Variants in MARK2 observed in about 807,000 individuals in gnomAD.
MARK2 encodes the protein microtubule affinity regulating kinase 2, also known as serine/threonine-protein kinase MARK2.
In MARK2, 16 loss-of-function variants were observed where a neutral mutation model predicts 89.8. The ratio of observed to expected loss-of-function variants is 0.18; its 90% CI spans 0.12 to 0.27. MARK2 has a LOEUF of 0.27. Ranked by LOEUF, MARK2 falls within the 10% of genes least tolerant of loss-of-function variation. MARK2 has a pLI of 1.00. For synonymous variants in MARK2, 382 were observed against 399.5 expected (o/e 0.96, Z 0.52); for missense variants, 621 against 1,049.9 (o/e 0.59, Z 5.65).
intron 1 of MARK2, among the ~76,000 whole-genome samples, chr11:63,841,633 C>G (rs368794122): frequency 6.6e-6 from 1 of 152,204 alleles, no homozygotes; most frequent in African/African-American, 2.4e-5. Flanking sequence ...CTTTCCCAGA[C>G]TGTTGATCGT....
chr11:63,871,005 C>G (rs990851859), intron 1 of MARK2, among the ~76,000 whole-genome samples: 2 of 151,990 alleles, frequency 1.3e-5, no homozygotes, highest in African/African-American at 4.8e-5. Context: ...ACAGTGTGGG[C>G]AAAAATCCAG....
At chr11:63,876,985 C>T (rs1473367747) in intron 1 of MARK2, among the ~76,000 whole-genome samples, 3 of 151,610 alleles carry the variant, frequency 2.0e-5, no homozygotes, top group Non-Finnish European at 4.4e-5. Context: ...CCCAGGTCTT[C>T]TGCACCGAAG....
At chr11:63,892,343 A>C (rs1040187151) in intron 1 of MARK2, among the ~76,000 whole-genome samples, 10 of 152,202 alleles carry the variant, frequency 6.6e-5, no homozygotes, top group Non-Finnish European at 1.0e-4. Flanking sequence ...GAAGAAGGGG[A>C]AATGTCAGAA....
Position 63,904,024 on chromosome 11 carries a change from C to G in MARK2, c.1553C>G (p.Ala518Gly). The G allele has an allele frequency of 1.2e-6, 2 of 1,609,018 alleles. No individual in the cohort carries two copies. The highest frequency in any genetic ancestry group is 1.7e-6 in the Non-Finnish European group (2 of 1,179,332). The change falls in exon 15 of 19, where the codon GCT becomes GGT. Residue 518 changes from alanine (A) to glycine (G), a missense_variant. Transcript: ENST00000402010. This position sits in a 1 kb window ranked among gnomAD's most constrained non-coding sequence, Gnocchi z 6.3. ...GGGTCCCGGGCCTCCACGGCTTCTG[C>G]TTCTGCCGCAGTCTCTGCGGCCCGG... ...MPGSRASTAS[A>G]SAAVSAARPR...
At chr11:63,875,767 T>C (rs1190121028) in intron 1 of MARK2, among the ~76,000 whole-genome samples, 1 of 152,182 alleles carries the variant, frequency 6.6e-6, no homozygotes, top group African/African-American at 2.4e-5. Flanking sequence ...ACAGTGGCGA[T>C]GGGGGCCTGG....
Position 63,903,298 on chromosome 11 carries a change from C to G in MARK2, c.1514+140C>G, listed in dbSNP as rs955269253. 5.9e-6 allele frequency: 4 copies of G among 674,616 alleles called. No individual in the cohort carries two copies. The highest frequency in any genetic ancestry group is 1.1e-5 in the Non-Finnish European group (4 of 380,746). 41.8% of individuals were successfully genotyped at this position (674,616 alleles called of 1,614,324 possible). A position where few individuals can be genotyped will look rare whatever the true frequency, so the allele number is the denominator to read the frequency against. ...AGTTCCATCCTGGCTGTGTCCAGTC[C>G]AGCTTTCCCCTCCCCTATTCCACGC... is the stretch of plus-strand genomic sequence containing the variant. On this transcript the variant is annotated intron_variant, in intron 14 of 18. Transcript: ENST00000402010. This position sits in a 1 kb window ranked among gnomAD's most constrained non-coding sequence, Gnocchi z 5.1.
chr11:63,869,606 AC>A (rs1186740486), intron 1 of MARK2, among the ~76,000 whole-genome samples: 2 of 151,948 alleles, frequency 1.3e-5, no homozygotes, highest in African/African-American at 4.8e-5. Flanking sequence ...TCTTGAGGGC[AC>A]CCTGAGTTCA....
At chr11:63,878,413 T>G (rs1459564868) in intron 1 of MARK2, among the ~76,000 whole-genome samples, 1 of 134,808 alleles carries the variant, frequency 7.4e-6, no homozygotes, top group Non-Finnish European at 1.5e-5. Flanking sequence ...CTCTGTCGCC[T>G]AGGCTGGAGT....
In MARK2 at chr11:63,900,210, A is replaced by C; in HGVS notation, c.768+100A>C. 1.1e-6 allele frequency: 1 copy of C among 920,118 alleles called. No individual in the cohort carries two copies. The highest frequency in any genetic ancestry group is 1.7e-6 in the Non-Finnish European group (1 of 579,412). 57.0% of individuals were successfully genotyped at this position (920,118 alleles called of 1,614,324 possible). A position where few individuals can be genotyped will look rare whatever the true frequency, so the allele number is the denominator to read the frequency against. On this transcript the variant is annotated intron_variant, in intron 8 of 18. Coordinates refer to ENST00000402010, the MANE Select transcript of MARK2 (RefSeq NM_001039469.3). This position sits in a 1 kb window ranked among gnomAD's most constrained non-coding sequence, Gnocchi z 4.7. ...TTGCCACCTGTCTACATTTGTCCCA[A>C]GCCAAAGCTTCAGAGAAGGGCTTGC...
At chr11:63,905,376 CTT>C (rs1257186697) in intron 16 of MARK2, among the ~76,000 whole-genome samples, 1 of 152,164 alleles carries the variant, frequency 6.6e-6, no homozygotes, top group Non-Finnish European at 1.5e-5. Context: ...CCCATGGAAA[CTT>C]ATATTTGGTG....
intron 2 of MARK2, 65 bp from the exon 3 acceptor site, chr11:63,895,515 T>C: frequency 6.7e-7 from 1 of 1,491,312 alleles, no homozygotes; most frequent in Non-Finnish European, 9.4e-7. Context: ...AAGGAGGAAG[T>C]AGATTGGAAT....
Position 63,900,903 on chromosome 11 carries a change from G to A in MARK2, c.988+24G>A, listed in dbSNP as rs1940809717. On this transcript the variant is annotated intron_variant, in intron 10 of 18. Coordinates refer to ENST00000402010, the MANE Select transcript of MARK2 (RefSeq NM_001039469.3). The surrounding 1 kb of genome is among the most constrained non-coding windows in gnomAD (Gnocchi z 4.7). ...AGGTGAGGCTGTGCCGGGCTGTGAGGTTAAGCTTGCCTAGGAGTTGAGGCC... is the reference window on the plus strand; with the variant it reads ...AGGTGAGGCTGTGCCGGGCTGTGAGATTAAGCTTGCCTAGGAGTTGAGGCC... The A allele has an allele frequency of 1.2e-6, 2 of 1,613,298 alleles. No individual in the cohort carries two copies. Among genetic ancestry groups the A allele is most frequent in the Middle Eastern group, 1.6e-4 (1 of 6,080 alleles).
chr11:63,857,542 C>T (rs1486643382), intron 1 of MARK2, among the ~76,000 whole-genome samples: 1 of 152,184 alleles, frequency 6.6e-6, no homozygotes, highest in African/African-American at 2.4e-5. Flanking sequence ...GGTAGACTTC[C>T]TTTGGTATAT....
chr11:63,878,834 C>T (rs991268624), intron 1 of MARK2, among the ~76,000 whole-genome samples: 5 of 152,146 alleles, frequency 3.3e-5, no homozygotes, highest in South Asian at 2.1e-4. Flanking sequence ...GTACAATTCA[C>T]GTACCCCTTG....
chr11:63,853,082 T>C (rs2016652744), intron 1 of MARK2, among the ~76,000 whole-genome samples: 1 of 152,154 alleles, frequency 6.6e-6, no homozygotes, highest in African/African-American at 2.4e-5. Flanking sequence ...CAGTGCCGCT[T>C]TAAATGTTAC....
In MARK2 at chr11:63,863,945, T is replaced by A. The variant is rs113704947; in HGVS notation, c.54+24385T>A. ...TCCCACTACACCCAGCTAATTTTTT[T>A]ATTTTTATTTATTTATTTATTTTTT... On this transcript the variant is annotated intron_variant, in intron 1 of 18. Transcript: ENST00000402010. Among the ~76,000 whole-genome samples, 436 of 152,084 alleles carry A rather than the reference T, an allele frequency of 2.9e-3. 2 individuals are homozygous for A. Among genetic ancestry groups the A allele is most frequent in the African/African-American group, 0.01 (425 of 41,478 alleles).
chr11:63,859,353 T>A (rs1937620243), intron 1 of MARK2, among the ~76,000 whole-genome samples: 1 of 151,418 alleles, frequency 6.6e-6, no homozygotes, highest in Non-Finnish European at 1.5e-5. Flanking sequence ...GGAGTCCTGC[T>A]CTGTCACGCA....
At chr11:63,855,535 A>G (rs2016797082) in intron 1 of MARK2, among the ~76,000 whole-genome samples, 3 of 152,092 alleles carry the variant, frequency 2.0e-5, no homozygotes, top group African/African-American at 4.8e-5. Context: ...AACAAAAAAA[A>G]AAAAAAACAG....
rs543074124 is a variant in MARK2, at chr11:63,855,716, C to G, written c.54+16156C>G. ...AACTCTATTTTTCAACTACATGTCT[C>G]TGTGAAGTGAGATTTTCTTCATATG... On this transcript the variant is annotated intron_variant, in intron 1 of 18. Transcript: ENST00000402010. Among the ~76,000 whole-genome samples, 4 of 152,252 alleles carry G rather than the reference C, an allele frequency of 2.6e-5. No homozygotes were observed. The South Asian group carries it at 8.3e-4, about 32-fold the overall frequency.
Sources: gnomAD v4.1 joint callset for allele counts (sites outside exome capture counted in the v4.1 genomes callset) on GRCh38, gnomAD v4.1.1 for gene constraint, Gnocchi (gnomAD v3.1) non-coding constraint, MANE v1.5 for transcripts, NCBI Gene and HGNC (gene_info 2026-07-23, HGNC 2026-07-21) for gene names.